Variants in EMC4 observed in about 807,000 individuals in gnomAD.
The protein encoded by EMC4 is cell proliferation-inducing gene 17 protein.
EMC4 carries 9 observed loss-of-function variants against 24.2 expected under a neutral mutation model. That is an observed-to-expected ratio of 0.37 (90% CI 0.22 to 0.65). The LOEUF is 0.65. Among genes scored for constraint, EMC4 ranks in the 30% least tolerant of loss-of-function variants. The pLI is 0.59. For missense variants in EMC4, 169 were observed against 234.6 expected, an observed-to-expected ratio of 0.72 and a Z score of 1.83; for synonymous variants, 86 against 81.1, an observed-to-expected ratio of 1.06 and a Z score of -0.32.
chr15:34,228,671 T>C, intron 4 of EMC4, 82 bp downstream of exon 4: 2 of 1,050,210 alleles, frequency 1.9e-6, no homozygotes, highest in Non-Finnish European at 2.7e-6. Flanking sequence ...GAAATTGGAG[T>C]TGGTATTTGA....
chr15:34,227,569 A>T, intron 2 of EMC4, 124 bp from the exon 3 acceptor site: 1 of 993,904 alleles, frequency 1.0e-6, no homozygotes, highest in Non-Finnish European at 1.5e-6. Flanking sequence ...CGTAGAATTG[A>T]GGAGTCAGCT....
rs112424336 is a variant in EMC4 at position 34,227,916 on chromosome 15, C to T, written c.355+70C>T. ...TAAAGGCAGGCCGGGCATGGTGGCT[C>T]ACGCCTGTAATCCCAGCACTTTGGG... On this transcript the variant is annotated intron_variant, in intron 3 of 4. Transcript: ENST00000267750. 3.1e-3 allele frequency: 4,756 copies of T among 1,535,714 alleles called. 127 individuals are homozygous for T. In the African/African-American group the frequency reaches 0.058, roughly 19 times the overall value.
intron 4 of EMC4, chr15:34,228,939 C>G (rs1295373808): frequency 5.1e-6 from 1 of 196,386 alleles, no homozygotes; most frequent in Non-Finnish European, 1.0e-5. Flanking sequence ...CTGCCCACCT[C>G]TGCCTCCCAA....
rs1890790874 is a variant in EMC4, at chr15:34,229,735, CTT to C, written c.517-16_517-15del. ...CTCATTTGCCACTCACCTATTTATT[CTT>C]TCTTTCTTCTTTCAGAGAATGGAGT... On this transcript the variant is annotated splice_polypyrimidine_tract_variant and intron_variant, in intron 4 of 4. Coordinates refer to ENST00000267750, the MANE Select transcript of EMC4 (RefSeq NM_016454.4). 2 of 1,446,128 alleles carry C rather than the reference CTT, an allele frequency of 1.4e-6. No homozygotes were observed. Among genetic ancestry groups the C allele is most frequent in the African/African-American group, 1.4e-5 (1 of 70,566 alleles). The allele number at this position is 1,446,128 out of a possible 1,614,324, so 89.6% of individuals were successfully genotyped here. A position where few individuals can be genotyped will look rare whatever the true frequency, so the allele number is the denominator to read the frequency against.
chr15:34,228,065 C>T, intron 3 of EMC4: 1 of 480,712 alleles, frequency 2.1e-6, no homozygotes, highest in Non-Finnish European at 3.8e-6. Context: ...CGCCTGTAAT[C>T]CCAGCTGCTT....
At position 34,228,406 on chromosome 15, in the gene EMC4, GACA is replaced by G; in HGVS notation, c.356-20_356-18del. The G allele has an allele frequency of 6.2e-7, 1 of 1,611,408 alleles. No individual in the cohort carries two copies. Among genetic ancestry groups the G allele is most frequent in the Non-Finnish European group, 8.5e-7 (1 of 1,178,916 alleles). Reference sequence around the variant, plus strand: ...TTGGGGGAAAGAGTTCTTTTGGTTTGACAACTTCTGTTACCGCAACAGCTTTCA... The same window carrying G: ...TTGGGGGAAAGAGTTCTTTTGGTTTGACTTCTGTTACCGCAACAGCTTTCA... On this transcript the variant is annotated intron_variant, in intron 3 of 4. Coordinates refer to ENST00000267750, the MANE Select transcript of EMC4 (RefSeq NM_016454.4).
intron 1 of EMC4, 165 bp from the exon 2 acceptor site, chr15:34,225,371 A>G (rs1477498033): frequency 2.6e-6 from 2 of 780,692 alleles, no homozygotes; most frequent in Non-Finnish European, 4.2e-6. Context: ...CAATGCTTAC[A>G]TCAGTCCTCC....
chr15:34,228,663 A>C (rs1011607190), intron 4 of EMC4, 74 bp downstream of exon 4: 3 of 1,121,366 alleles, frequency 2.7e-6, no homozygotes, highest in Non-Finnish European at 3.8e-6. Flanking sequence ...GATGGTAGGA[A>C]ATTGGAGTTG....
At chr15:34,225,903 G>A (rs1158979575) in intron 2 of EMC4, 2 of 484,680 alleles carry the variant, frequency 4.1e-6, no homozygotes, top group Admixed American at 2.5e-5. Context: ...ACATCTTCCA[G>A]TTGAAGTGAT....
intron 4 of EMC4, 32 bp downstream of exon 4, chr15:34,228,621 G>A: frequency 6.5e-7 from 1 of 1,542,248 alleles, no homozygotes; most frequent in Non-Finnish European, 8.8e-7. Context: ...ATTTTGGGTA[G>A]TTGTAGTATA....
rs773501712 is a variant in EMC4, at chr15:34,229,799, GCAGCGC to G, written c.*13_*18del. On this transcript the variant is annotated 3_prime_UTR_variant, in exon 5 of 5. Transcript: ENST00000267750. ...GGACTGCTTTTGTGAACATGAGAAA[GCAGCGC>G]CTGGTCCCTATGTATTTGGGTCTTA... 26 of 1,611,740 alleles carry G rather than the reference GCAGCGC, an allele frequency of 1.6e-5. No individual in the cohort carries two copies. The South Asian group carries it at 2.1e-4, about 13-fold the overall frequency.
chr15:34,229,806 C>G lies in EMC4; in HGVS notation c.*18C>G, dbSNP rs570454252. 1 of 1,612,494 alleles carries G rather than the reference C, an allele frequency of 6.2e-7. No individual in the cohort carries two copies. The highest frequency in any genetic ancestry group is 2.2e-5 in the East Asian group (1 of 44,868). ...TTTTGTGAACATGAGAAAGCAGCGC[C>G]TGGTCCCTATGTATTTGGGTCTTAT... On this transcript the variant is annotated 3_prime_UTR_variant, in exon 5 of 5. Coordinates refer to ENST00000267750, the MANE Select transcript of EMC4 (RefSeq NM_016454.4).
chr15:34,225,094 C>T lies in EMC4; in HGVS notation c.-21C>T, dbSNP rs775974339. The T allele has an allele frequency of 1.9e-6, 3 of 1,547,622 alleles. No individual in the cohort carries two copies. The highest frequency in any genetic ancestry group is 2.0e-5 in the Admixed American group (1 of 51,002). ...CGCTTTGGACTGAGAAGCATCGAGG[C>T]TATAGGACGCAGCTGTTGCCATGAC... On this transcript the variant is annotated 5_prime_UTR_variant, in exon 1 of 5. Coordinates refer to ENST00000267750, the MANE Select transcript of EMC4 (RefSeq NM_016454.4).
chr15:34,227,768 A>G lies in EMC4; in HGVS notation c.277A>G (p.Thr93Ala). The change falls in exon 3 of 5, where the codon ACT becomes GCT. Residue 93 changes from threonine (T) to alanine (A), a missense_variant. Transcript: ENST00000267750. ...NLFIMYMAGN[T>A]ISIFPTMMVC... is the part of the protein sequence containing the mutation. Reference sequence around the variant, plus strand: ...CTTCATCATGTACATGGCAGGCAATACTATCTCCATCTTCCCTACTATGAT... The same window carrying G: ...CTTCATCATGTACATGGCAGGCAATGCTATCTCCATCTTCCCTACTATGAT... 1 of 1,614,132 alleles carries G rather than the reference A, an allele frequency of 6.2e-7. No homozygotes were observed. Among genetic ancestry groups the G allele is most frequent in the Non-Finnish European group, 8.5e-7 (1 of 1,179,990 alleles).
intron 1 of EMC4, 149 bp downstream of exon 1, chr15:34,225,349 T>C (rs771347863): frequency 5.9e-6 from 5 of 841,806 alleles, no homozygotes; most frequent in Non-Finnish European, 9.3e-6. Context: ...CGTGGAAGTT[T>C]CTCTGCTCAA....
rs780887402 is a variant in EMC4, at chr15:34,227,849, A to G, written c.355+3A>G. The G allele has an allele frequency of 6.2e-7, 1 of 1,612,998 alleles. No individual in the cohort carries two copies. The highest frequency in any genetic ancestry group is 1.7e-5 in the Admixed American group (1 of 60,000). On this transcript the variant is annotated splice_donor_region_variant and intron_variant, in intron 3 of 4. Coordinates refer to ENST00000267750, the MANE Select transcript of EMC4 (RefSeq NM_016454.4). ...GGCACTTATGGCCATTTCAGCCAGT[A>G]AGTATTCTTGAAACAATAACCCTTC... is the stretch of plus-strand genomic sequence containing the variant.
chr15:34,227,927 TC>T, intron 3 of EMC4, 81 bp downstream of exon 3: 6 of 1,484,578 alleles, frequency 4.0e-6, no homozygotes, highest in Non-Finnish European at 5.6e-6. Flanking sequence ...ACGCCTGTAA[TC>T]CCAGCACTTT....
At chr15:34,225,672 C>G (rs1298640495) in intron 2 of EMC4, 22 bp downstream of exon 2, 4 of 1,576,830 alleles carry the variant, frequency 2.5e-6, no homozygotes, top group Non-Finnish European at 2.6e-6. Flanking sequence ...TAGATGTTAC[C>G]GTAGCCCATG....
chr15:34,228,529 G>A lies in EMC4; in HGVS notation c.456G>A (p.Gln152=). Reference sequence around the variant, plus strand: ...TGGCATTGGCTGTTTACAAGTGCCAGTCCATGGGACTGTTACCTACACATG... The same window carrying A: ...TGGCATTGGCTGTTTACAAGTGCCAATCCATGGGACTGTTACCTACACATG... ...MGLALAVYKC[Q]SMGLLPTHAS... Residue 152 remains glutamine, a synonymous_variant, in exon 4 of 5, where the codon CAG becomes CAA. Transcript: ENST00000267750. 1.2e-6 allele frequency: 2 copies of A among 1,614,108 alleles called. No homozygotes were observed. Among genetic ancestry groups the A allele is most frequent in the Non-Finnish European group, 1.7e-6 (2 of 1,180,002 alleles).
Sources: allele counts gnomAD v4.1 joint callset, GRCh38; gene constraint gnomAD v4.1.1; transcripts MANE v1.5; gene names NCBI Gene and HGNC (gene_info 2026-07-23, HGNC 2026-07-21).